Variants in SLC44A5 observed in about 807,000 individuals in gnomAD.
SLC44A5 encodes the protein solute carrier family 44 member 5, also known as choline transporter-like protein 5.
Under a neutral mutation model 101.8 loss-of-function variants are expected in SLC44A5, and 57 were observed. The ratio of observed to expected loss-of-function variants is 0.56; its 90% CI spans 0.45 to 0.70. The LOEUF is 0.70. Among genes scored for constraint, SLC44A5 ranks in the 30% least tolerant of loss-of-function variants. The pLI, the probability that SLC44A5 is intolerant of heterozygous loss-of-function variation, is 0.00. For synonymous variants in SLC44A5, 281 were observed against 290.9 expected (o/e 0.97, Z 0.35); for missense variants, 737 against 853.1 (o/e 0.86, Z 1.70).
chr1:75,711,134 G>A, the SLC44A5 span, among the ~76,000 whole-genome samples: 1 of 152,138 alleles, frequency 6.6e-6, no homozygotes, highest in East Asian at 1.9e-4. Flanking sequence ...TTTTGTGCCA[G>A]GCTATTGGTA....
chr1:75,630,051 C>A, the SLC44A5 span, among the ~76,000 whole-genome samples: 223 of 152,262 alleles, frequency 1.5e-3, 1 homozygote, highest in Admixed American at 2.9e-3. Flanking sequence ...CTAGCTCCAT[C>A]CCCCCAATTT....
chr1:75,415,550 T>C (rs1285125117), intron 2 of SLC44A5, among the ~76,000 whole-genome samples: 1 of 152,172 alleles, frequency 6.6e-6, no homozygotes. Context: ...GGGGCGCTGC[T>C]GAAAAGATAC....
chr1:75,361,196 T>C (rs1659464801), intron 3 of SLC44A5, among the ~76,000 whole-genome samples: 2 of 152,056 alleles, frequency 1.3e-5, no homozygotes, highest in Admixed American at 1.3e-4. Flanking sequence ...AGTTTAACAG[T>C]TTTTTGGTGG....
the SLC44A5 span, among the ~76,000 whole-genome samples, chr1:75,708,595 T>C: frequency 0.044 from 6,687 of 151,978 alleles, 201 homozygotes; most frequent in African/African-American, 0.092. Context: ...CAATATGAAA[T>C]TGGAAAACTA....
At chr1:75,303,532 C>T (rs1654672005) in intron 4 of SLC44A5, among the ~76,000 whole-genome samples, 2 of 152,124 alleles carry the variant, frequency 1.3e-5, no homozygotes, top group South Asian at 4.1e-4. Flanking sequence ...CCGCACCCGG[C>T]GGAAGTTTTT....
At chr1:75,330,964 CTCTT>C (rs975209894) in intron 4 of SLC44A5, among the ~76,000 whole-genome samples, 5 of 138,288 alleles carry the variant, frequency 3.6e-5, no homozygotes, top group Non-Finnish European at 7.6e-5. Flanking sequence ...AAAACTTTCT[CTCTT>C]TTTTTTTTTT....
Position 75,214,632 on chromosome 1 carries a change from A to T in SLC44A5, c.1775T>A (p.Phe592Tyr), listed in dbSNP as rs1267600582. Residue 592 changes from phenylalanine (F) to tyrosine (Y), a missense_variant, in exon 20 of 24, where the codon TTC becomes TAC. Transcript: ENST00000370859. ...RNFCRSAKDA[F>Y]NLLMRNVLKV... ...CAAAACATTTCTCATCAGCAGATTG[A>T]AAGCATCTTTTGCTGACCTGCAGAA... The T allele has an allele frequency of 1.2e-6, 2 of 1,611,896 alleles. No homozygotes were observed. The highest frequency in any genetic ancestry group is 1.7e-6 in the Non-Finnish European group (2 of 1,178,862).
At chr1:75,365,060 G>A (rs901310721) in intron 3 of SLC44A5, among the ~76,000 whole-genome samples, 6 of 152,186 alleles carry the variant, frequency 3.9e-5, no homozygotes, top group South Asian at 4.1e-4. Context: ...TTTGTTCATT[G>A]TTTTATGAAG....
chr1:75,640,774 G>A, the SLC44A5 span, among the ~76,000 whole-genome samples: 1 of 152,080 alleles, frequency 6.6e-6, no homozygotes, highest in Non-Finnish European at 1.5e-5. Flanking sequence ...TGCTTGGTTT[G>A]TATTACAATT....
intron 2 of SLC44A5, among the ~76,000 whole-genome samples, chr1:75,462,666 G>GA (rs145397502): frequency 0.093 from 14,141 of 151,872 alleles, 828 homozygotes; most frequent in Admixed American, 0.19. Context: ...AATGCTATCA[G>GA]AAAAAATTTA....
chr1:75,716,859 C>T, the SLC44A5 span, among the ~76,000 whole-genome samples: 1 of 151,790 alleles, frequency 6.6e-6, no homozygotes, highest in African/African-American at 2.4e-5. Context: ...GGGTGAAACC[C>T]CATCTCTACT....
chr1:75,479,954 G>T (rs1667724687), intron 2 of SLC44A5, among the ~76,000 whole-genome samples: 1 of 152,202 alleles, frequency 6.6e-6, no homozygotes, highest in African/African-American at 2.4e-5. Flanking sequence ...ACCAAAAAAA[G>T]AGAATTTTAG....
chr1:75,465,889 G>A (rs916338081), intron 2 of SLC44A5, among the ~76,000 whole-genome samples: 15 of 152,118 alleles, frequency 9.9e-5, no homozygotes, highest in African/African-American at 3.6e-4. Flanking sequence ...CTGTTATAAA[G>A]TCTTCCAGTA....
chr1:75,523,311 T>C (rs201684464), intron 2 of SLC44A5, among the ~76,000 whole-genome samples: 1 of 152,206 alleles, frequency 6.6e-6, no homozygotes, highest in East Asian at 1.9e-4. Flanking sequence ...GTTCATATAA[T>C]CTTGAGCAAG....
chr1:75,329,173 C>T (rs552212508), intron 4 of SLC44A5, among the ~76,000 whole-genome samples: 1 of 152,186 alleles, frequency 6.6e-6, no homozygotes, highest in Non-Finnish European at 1.5e-5. Flanking sequence ...TTCAGAGTTA[C>T]TCTAGACTCC....
intron 23 of SLC44A5, chr1:75,206,722 G>A: frequency 6.5e-7 from 1 of 1,543,184 alleles, no homozygotes. Flanking sequence ...ATCTTCACCT[G>A]TATATGCAGC....
chr1:75,467,140 T>C (rs1390008791), intron 2 of SLC44A5, among the ~76,000 whole-genome samples: 3 of 152,216 alleles, frequency 2.0e-5, no homozygotes, highest in South Asian at 2.1e-4. Flanking sequence ...GAAAGACCTC[T>C]ATAATGAAAA....
At chr1:75,577,297 T>A (rs1240689248) in intron 1 of SLC44A5, among the ~76,000 whole-genome samples, 1 of 152,226 alleles carries the variant, frequency 6.6e-6, no homozygotes, top group African/African-American at 2.4e-5. Context: ...AAACCATTCA[T>A]TAACTTTGCA....
At chr1:75,352,103 A>G (rs902894101) in intron 3 of SLC44A5, among the ~76,000 whole-genome samples, 2 of 152,182 alleles carry the variant, frequency 1.3e-5, no homozygotes, top group South Asian at 2.1e-4. Context: ...CTTATACCCC[A>G]TAAGTTATCT....
Sources: gnomAD v4.1 joint callset for allele counts (sites outside exome capture counted in the v4.1 genomes callset) on GRCh38, gnomAD v4.1.1 for gene constraint, MANE v1.5 for transcripts, NCBI Gene and HGNC (gene_info 2026-07-23, HGNC 2026-07-21) for gene names.